Variants in PCDHGB2 observed in about 807,000 individuals in gnomAD.
PCDHGB2 encodes the protein protocadherin gamma subfamily B, 2.
Under a neutral mutation model 59.3 loss-of-function variants are expected in PCDHGB2, and 55 were observed. That is an observed-to-expected ratio of 0.93 (90% CI 0.75 to 1.16). The LOEUF (loss-of-function observed/expected upper bound fraction) is 1.16, where lower values mean the gene tolerates loss of function less well. Among genes scored for constraint, PCDHGB2 ranks in the 50% most tolerant of loss-of-function variants. PCDHGB2 has a pLI of 0.00. For missense variants in PCDHGB2, 1,228 were observed against 1,198.5 expected, an observed-to-expected ratio of 1.02 and a Z score of -0.36; for synonymous variants, 516 against 512.0, an observed-to-expected ratio of 1.01 and a Z score of -0.11.
At chr5:141,375,457 A>T in intron 1 of PCDHGB2, 1 of 1,613,816 alleles carries the variant, frequency 6.2e-7, no homozygotes, top group East Asian at 2.2e-5. Flanking sequence ...CATCCTACTC[A>T]GTCTATGTCC....
chr5:141,361,279 G>A lies in PCDHGB2; in HGVS notation c.1144G>A (p.Val382Ile), dbSNP rs1456239638. 1.2e-6 allele frequency: 2 copies of A among 1,613,892 alleles called. No homozygotes were observed. Among genetic ancestry groups the A allele is most frequent in the Middle Eastern group, 1.6e-4 (1 of 6,084 alleles). ...RDRDSGENGE[V>I]YCQVLGNAKF... ...CAGAGACTCTGGAGAAAATGGAGAA[G>A]TTTACTGCCAAGTGTTGGGAAATGC... The change falls in exon 1 of 4, where the codon GTT (valine) becomes ATT (isoleucine). Residue 382 changes from valine to isoleucine, a missense_variant. Transcript: ENST00000522605.
At position 141,361,236 on chromosome 5, in the gene PCDHGB2, C is replaced by A; in HGVS notation, c.1101C>A (p.Ala367=). Residue 367 remains alanine, a synonymous_variant, in exon 1 of 4, where the codon GCC becomes GCA. Transcript: ENST00000522605. The part of the protein sequence containing the change: ...PEDSPPGTVI[A]LIKTRDRDSG... ...ATTCGCCACCAGGAACAGTGATCGC[C>A]TTGATAAAAACGAGAGACAGAGACT... 3 of 1,613,946 alleles carry A rather than the reference C, an allele frequency of 1.9e-6. No homozygotes were observed. The highest frequency in any genetic ancestry group is 2.5e-6 in the Non-Finnish European group (3 of 1,179,876).
At chr5:141,467,767 C>T (rs72790060) in intron 1 of PCDHGB2, among the ~76,000 whole-genome samples, 25,555 of 151,632 alleles carry the variant, frequency 0.17, 2,195 homozygotes, top group South Asian at 0.22. Context: ...GCTCAAGTGC[C>T]CGCACCTCAG....
chr5:141,372,977 T>G, intron 1 of PCDHGB2: 1 of 661,716 alleles, frequency 1.5e-6, no homozygotes, highest in Non-Finnish European at 2.5e-6. Flanking sequence ...CTGTAGAATA[T>G]CTGTGTTGCA....
intron 3 of PCDHGB2, among the ~76,000 whole-genome samples, chr5:141,510,117 T>C (rs1205620535): frequency 6.6e-6 from 1 of 151,908 alleles, no homozygotes; most frequent in East Asian, 1.9e-4. Context: ...TGTTTTGAAA[T>C]ACAAAAATTA....
chr5:141,416,308 T>C (rs1472911605), intron 1 of PCDHGB2: 1 of 152,266 alleles, frequency 6.6e-6, no homozygotes, highest in East Asian at 1.9e-4. Context: ...ATGTGGAAGA[T>C]ATAGCATTTT....
At position 141,490,524 on chromosome 5, in the gene PCDHGB2, T is replaced by C. The variant is rs1197866164; in HGVS notation, c.2422-4283T>C. The C allele has an allele frequency of 1.2e-6, 2 of 1,613,990 alleles. No homozygotes were observed. Among genetic ancestry groups the C allele is most frequent in the Non-Finnish European group, 1.7e-6 (2 of 1,180,018 alleles). On this transcript the variant is annotated intron_variant, in intron 1 of 3. Transcript: ENST00000522605. The surrounding 1 kb of genome is among the most constrained non-coding windows in gnomAD (Gnocchi z 5.4). ...ATATCATCGAGCTGCTGGCCAGCGA[T>C]GCTGGTTCACCTTCCCTACACAAAC...
At chr5:141,374,573 A>G in intron 1 of PCDHGB2, 1 of 1,613,740 alleles carries the variant, frequency 6.2e-7, no homozygotes, top group Non-Finnish European at 8.5e-7. Context: ...TGATGTGGGA[A>G]TGAACTCCCT....
rs184860941 is a variant in PCDHGB2, at chr5:141,386,661, G to A, written c.2421+24105G>A. On this transcript the variant is annotated intron_variant, in intron 1 of 3. Coordinates refer to ENST00000522605, the MANE Select transcript of PCDHGB2 (RefSeq NM_018923.3). ...CTGGATACATTTTACAAGTTCTGCA[G>A]TGTTCACATTTCAGATGTACAATCA... Among the ~76,000 whole-genome samples the A allele has an allele frequency of 2.0e-4, 31 of 152,110 alleles. No individual in the cohort carries two copies. In the East Asian group the frequency reaches 3.5e-3, roughly 17 times the overall value.
In PCDHGB2 at chr5:141,491,443, G is replaced by C. The variant is rs955584868; in HGVS notation, c.2422-3364G>C. On this transcript the variant is annotated intron_variant, in intron 1 of 3. Transcript: ENST00000522605. This position sits in a 1 kb window ranked among gnomAD's most constrained non-coding sequence, Gnocchi z 6.9. ...TGGAGGGCAGTGCTGCAGGCGCCAG[G>C]ACTCACCCTCCCCGGACTTCTATAA... 1 of 1,613,998 alleles carries C rather than the reference G, an allele frequency of 6.2e-7. No homozygotes were observed. Among genetic ancestry groups the C allele is most frequent in the Admixed American group, 1.7e-5 (1 of 60,000 alleles).
intron 1 of PCDHGB2, chr5:141,409,458 A>G (rs1435071611): frequency 4.3e-6 from 7 of 1,613,820 alleles, no homozygotes; most frequent in East Asian, 2.2e-5. Context: ...CCAGAATACA[A>G]TGTCACCATC....
chr5:141,395,420 T>A, intron 1 of PCDHGB2: 1 of 771,734 alleles, frequency 1.3e-6, no homozygotes, highest in Non-Finnish European at 2.0e-6. Flanking sequence ...ATTGTTTCAT[T>A]TGCTTTTAAA....
rs2095403267 is a variant in PCDHGB2, at chr5:141,410,523, A to C, written c.2421+47967A>C. 2 of 1,613,800 alleles carry C rather than the reference A, an allele frequency of 1.2e-6. No individual in the cohort carries two copies. Among genetic ancestry groups the C allele is most frequent in the African/African-American group, 2.7e-5 (2 of 74,910 alleles). ...TTCCTAAAATGCAGTGTGCCCCTAC[A>C]TTCCAATGAAGACATGGTTTGCAGT... On this transcript the variant is annotated intron_variant, in intron 1 of 3. Coordinates refer to ENST00000522605, the MANE Select transcript of PCDHGB2 (RefSeq NM_018923.3).
chr5:141,399,469 T>G, intron 1 of PCDHGB2: 1 of 1,614,000 alleles, frequency 6.2e-7, no homozygotes. Flanking sequence ...CGCTCCGGTT[T>G]TCCACCAGGC....
Position 141,414,386 on chromosome 5 carries a change from G to A in PCDHGB2, c.2421+51830G>A, listed in dbSNP as rs746637010. On this transcript the variant is annotated intron_variant, in intron 1 of 3. Transcript: ENST00000522605. ...TTTAAATTAGAAAAGTCCATTGACA[G>A]TTATTACAGATTGGTGATACACAGA... is the stretch of plus-strand genomic sequence containing the variant. The A allele has an allele frequency of 1.9e-6, 3 of 1,613,906 alleles. No homozygotes were observed. The Admixed American group carries it at 5.0e-5, about 27-fold the overall frequency.
chr5:141,423,405 G>T (rs1444037259), intron 1 of PCDHGB2: 1 of 1,614,154 alleles, frequency 6.2e-7, no homozygotes, highest in African/African-American at 1.3e-5. Context: ...CACGCCTGCT[G>T]CAGGCTTCTG....
At chr5:141,467,748 G>A (rs186276272) in intron 1 of PCDHGB2, among the ~76,000 whole-genome samples, 22 of 151,912 alleles carry the variant, frequency 1.4e-4, no homozygotes, top group South Asian at 2.1e-4. Context: ...TGCAACCTCC[G>A]CCTCACATGC....
Position 141,490,867 on chromosome 5 carries a change from C to G in PCDHGB2, c.2422-3940C>G. ...GGGGGTTCGAGACTCCGGCTCTCCC[C>G]CATTGCATGCCAACACATCTCTGCA... On this transcript the variant is annotated intron_variant, in intron 1 of 3. Coordinates refer to ENST00000522605, the MANE Select transcript of PCDHGB2 (RefSeq NM_018923.3). This position sits in a 1 kb window ranked among gnomAD's most constrained non-coding sequence, Gnocchi z 5.4. 6.2e-7 allele frequency: 1 copy of G among 1,613,912 alleles called. No individual in the cohort carries two copies. The highest frequency in any genetic ancestry group is 8.5e-7 in the Non-Finnish European group (1 of 1,179,936).
intron 1 of PCDHGB2, chr5:141,375,760 G>T (rs779640846): frequency 1.2e-6 from 2 of 1,614,118 alleles, no homozygotes; most frequent in Admixed American, 1.7e-5. Context: ...ATGACAATGC[G>T]CCCGAGATCC....
Sources: gnomAD v4.1 joint callset for allele counts (sites outside exome capture counted in the v4.1 genomes callset) on GRCh38, gnomAD v4.1.1 for gene constraint, Gnocchi (gnomAD v3.1) non-coding constraint, MANE v1.5 for transcripts, NCBI Gene and HGNC (gene_info 2026-07-23, HGNC 2026-07-21) for gene names.